The following SFMBT2 variants were observed in gnomAD, a reference collection of about 807,000 sequenced individuals.
SFMBT2 encodes the protein scm-like with four MBT domains protein 2.
Under a neutral mutation model 110.1 loss-of-function variants are expected in SFMBT2, and 38 were observed. That is an observed-to-expected ratio of 0.35 (90% CI 0.27 to 0.45). The LOEUF is 0.45. Ranked by LOEUF, SFMBT2 falls within the 20% of genes least tolerant of loss-of-function variation. The probability of loss-of-function intolerance (pLI) is 1.00; values close to 1 mark genes in which losing one functional copy is unlikely to be tolerated. For missense variants in SFMBT2, 1,011 were observed against 1,094.9 expected, an observed-to-expected ratio of 0.92 and a Z score of 1.08; for synonymous variants, 425 against 425.4, an observed-to-expected ratio of 1.00 and a Z score of 0.01.
At chr10:7,266,518 G>A (rs1329180803) in intron 7 of SFMBT2, among the ~76,000 whole-genome samples, 1 of 152,206 alleles carries the variant, frequency 6.6e-6, no homozygotes, top group East Asian at 1.9e-4. Flanking sequence ...GCAGGTGTCA[G>A]TGGGATAGTG....
chr10:7,228,927 C>G (rs1220788205), intron 9 of SFMBT2, among the ~76,000 whole-genome samples: 2 of 151,922 alleles, frequency 1.3e-5, no homozygotes, highest in African/African-American at 4.8e-5. Context: ...AAAGGCATAA[C>G]CCAGGGAGGA....
intron 16 of SFMBT2, among the ~76,000 whole-genome samples, chr10:7,182,376 G>A (rs951519505): frequency 6.6e-6 from 1 of 152,208 alleles, no homozygotes; most frequent in Admixed American, 6.5e-5. Flanking sequence ...GAAAAGAAGA[G>A]TGTGTTTTGT....
intron 4 of SFMBT2, among the ~76,000 whole-genome samples, chr10:7,345,187 C>T (rs1425854939): frequency 6.6e-6 from 1 of 151,992 alleles, no homozygotes; most frequent in East Asian, 1.9e-4. Flanking sequence ...AGTGAGACAC[C>T]TTAGAAGGTG....
intron 11 of SFMBT2, chr10:7,215,471 T>G (rs1053201902): frequency 3.8e-6 from 3 of 798,990 alleles, no homozygotes; most frequent in Non-Finnish European, 4.5e-6. Flanking sequence ...TTAGGGGATC[T>G]CCATAGATTA....
chr10:7,200,324 G>A, intron 14 of SFMBT2, 90 bp downstream of exon 14: 1 of 990,160 alleles, frequency 1.0e-6, no homozygotes, highest in Non-Finnish European at 1.4e-6. Context: ...ACGTTGAGAT[G>A]TATTCATATC....
rs546471601 is a variant in SFMBT2, at chr10:7,234,678, C to T, written c.1121-6741G>A. 1.5e-4 allele frequency among the ~76,000 whole-genome samples: 23 copies of T among 152,150 alleles called. No homozygotes were observed. In the South Asian group the frequency reaches 4.4e-3, roughly 29 times the overall value. On this transcript the variant is annotated intron_variant, in intron 9 of 20. Coordinates refer to ENST00000397167, the MANE Select transcript of SFMBT2 (RefSeq NM_001387889.1). ...GAGACTTGCTTCCAAGTCCAGTAGC[C>T]GGGCGGGACGATCTGACAGTCTCCC...
At chr10:7,342,392 G>A (rs11597043) in intron 4 of SFMBT2, among the ~76,000 whole-genome samples, 5,655 of 121,508 alleles carry the variant, frequency 0.047, 178 homozygotes, top group Non-Finnish European at 0.076. Context: ...GCACTGGAGT[G>A]AGTCTTTTTT....
At position 7,172,081 on chromosome 10, in the gene SFMBT2, G is replaced by C. The variant is rs753796935; in HGVS notation, c.2229C>G (p.Asp743Glu). The part of the protein sequence containing the change: ...SEETGSELRD[D>E]QTDTSSAEVP... ...CCTCCGCCGACGAGGTGTCCGTCTG[G>C]TCATCCCGGAGCTCGGAGCCGGTCT... The change falls in exon 19 of 21, where the codon GAC (aspartate) becomes GAG (glutamate). Residue 743 changes from aspartate to glutamate, a missense_variant. Around this residue, in one of 2 missense-constraint regions of SFMBT2, gnomAD observed 979 missense variants for 1,016.1 expected, o/e 0.96. Transcript: ENST00000397167. The surrounding 1 kb of genome is among the most constrained non-coding windows in gnomAD (Gnocchi z 4.6). 7 of 1,607,438 alleles carry C rather than the reference G, an allele frequency of 4.4e-6. No homozygotes were observed. Among genetic ancestry groups the C allele is most frequent in the Non-Finnish European group, 5.9e-6 (7 of 1,176,746 alleles).
chr10:7,207,340 A>G (rs533091629), intron 11 of SFMBT2, among the ~76,000 whole-genome samples: 1 of 151,692 alleles, frequency 6.6e-6, no homozygotes, highest in South Asian at 2.1e-4. Flanking sequence ...GGCCTAAGTG[A>G]CAGAGCAAGA....
At position 7,329,049 on chromosome 10, in the gene SFMBT2, C is replaced by T. The variant is rs183510150; in HGVS notation, c.436+38600G>A. On this transcript the variant is annotated intron_variant, in intron 4 of 20. Coordinates refer to ENST00000397167, the MANE Select transcript of SFMBT2 (RefSeq NM_001387889.1). ...TCACATGAGGCTGCCAGATATAGAA[C>T]CTTCACTGCCATTGTATGAGCATGT... Among the ~76,000 whole-genome samples, 321 of 152,320 alleles carry T rather than the reference C, an allele frequency of 2.1e-3. 2 individuals carry two copies. The highest frequency in any genetic ancestry group is 0.014 in the Middle Eastern group (4 of 294).
At chr10:7,307,797 A>G (rs1842737528) in intron 4 of SFMBT2, among the ~76,000 whole-genome samples, 1 of 152,212 alleles carries the variant, frequency 6.6e-6, no homozygotes, top group Non-Finnish European at 1.5e-5. Context: ...GAGACACAGA[A>G]AGCATAAAAG....
intron 7 of SFMBT2, among the ~76,000 whole-genome samples, chr10:7,265,005 A>C (rs937749243): frequency 6.6e-6 from 1 of 151,694 alleles, no homozygotes; most frequent in Non-Finnish European, 1.5e-5. Context: ...GATCACTTTC[A>C]ACAAGCAGCA....
In SFMBT2 at chr10:7,171,628, C is replaced by T; in HGVS notation, c.2415+267G>A. ...CTTCAAAGGAAACTGAGGACTGTGC[C>T]CTCCTCCTGACAAGAACCCAGGTGG... On this transcript the variant is annotated intron_variant, in intron 19 of 20. Coordinates refer to ENST00000397167, the MANE Select transcript of SFMBT2 (RefSeq NM_001387889.1). This position sits in a 1 kb window ranked among gnomAD's most constrained non-coding sequence, Gnocchi z 4.9. The T allele has an allele frequency of 1.0e-6, 1 of 953,898 alleles. No individual in the cohort carries two copies. Among genetic ancestry groups the T allele is most frequent in the South Asian group, 4.8e-5 (1 of 20,628 alleles). The allele number at this position is 953,898 out of a possible 1,614,324, so 59.1% of individuals were successfully genotyped here.
chr10:7,334,038 G>C (rs1588457510), intron 4 of SFMBT2, among the ~76,000 whole-genome samples: 1 of 152,180 alleles, frequency 6.6e-6, no homozygotes, highest in South Asian at 2.1e-4. Flanking sequence ...GCCTGACAAA[G>C]CAGACACACA....
chr10:7,285,903 G>C lies in SFMBT2; in HGVS notation c.488C>G (p.Thr163Ser). ...GTTGGCGGGTGCTGTCCTCGAACCA[G>C]TCAAGTCACGTATGAGAAATTCTGT... ...DWTEFLIRDL[T>S]GSRTAPANLL... The change falls in exon 5 of 21, where the codon ACT (threonine) becomes AGT (serine). Residue 163 changes from threonine (T) to serine (S), a missense_variant. This residue lies in a region of SFMBT2 where 979 missense variants were observed against 1,016.1 expected (regional missense o/e 0.96). Transcript: ENST00000397167. 1.1e-6 allele frequency: 1 copy of C among 872,584 alleles called. No individual in the cohort carries two copies. 54.1% of individuals were successfully genotyped at this position (872,584 alleles called of 1,614,324 possible).
At chr10:7,165,498 A>G (rs1837672199) in intron 20 of SFMBT2, among the ~76,000 whole-genome samples, 1 of 152,276 alleles carries the variant, frequency 6.6e-6, no homozygotes, top group Non-Finnish European at 1.5e-5. Flanking sequence ...GGAATAATTT[A>G]TCTTCAGATC....
chr10:7,236,913 G>A (rs142745304), intron 9 of SFMBT2, among the ~76,000 whole-genome samples: 13 of 152,124 alleles, frequency 8.5e-5, no homozygotes, highest in African/African-American at 2.7e-4. Flanking sequence ...CTACTTCTAC[G>A]ATCAAAAGAA....
At chr10:7,222,658 G>T (rs1267508039) in intron 10 of SFMBT2, among the ~76,000 whole-genome samples, 1 of 151,650 alleles carries the variant, frequency 6.6e-6, no homozygotes, top group Non-Finnish European at 1.5e-5. Context: ...ATCTGCTGGG[G>T]TTCAATCCCC....
Position 7,172,504 on chromosome 10 carries a change from G to A in SFMBT2, c.2142C>T (p.Gly714=). The change falls in exon 18 of 21, where the codon GGC becomes GGT. Residue 714 remains glycine (G), a synonymous_variant. Coordinates refer to ENST00000397167, the MANE Select transcript of SFMBT2 (RefSeq NM_001387889.1). The surrounding 1 kb of genome is among the most constrained non-coding windows in gnomAD (Gnocchi z 4.6). The part of the protein sequence containing the change: ...RRSSAVDFTA[G]SGEESEEEDA... ...CCCGGGCAGAACATACCTCCCCCGAGCCCGCGGTGAAGTCCACGGCAGAAG... is the reference window on the plus strand; with the variant it reads ...CCCGGGCAGAACATACCTCCCCCGAACCCGCGGTGAAGTCCACGGCAGAAG... The A allele has an allele frequency of 1.9e-6, 3 of 1,613,992 alleles. No homozygotes were observed. The highest frequency in any genetic ancestry group is 2.5e-6 in the Non-Finnish European group (3 of 1,180,030).
Sources: allele counts gnomAD v4.1 joint callset (sites outside exome capture counted in the v4.1 genomes callset), GRCh38; gene constraint gnomAD v4.1.1; regional missense constraint gnomAD v4.1.1; non-coding constraint Gnocchi (gnomAD v3.1); transcripts MANE v1.5; gene names NCBI Gene and HGNC (gene_info 2026-07-23, HGNC 2026-07-21).